HDAC4: variants seen among roughly 807,000 people sequenced by gnomAD.
The protein encoded by HDAC4 is histone deacetylase 4, also known as histone deacetylase A.
A neutral mutation model predicts 135.1 loss-of-function variants in HDAC4; 16 were observed. The observed-to-expected ratio is 0.12, with a 90% CI of 0.08 to 0.18. The LOEUF (loss-of-function observed/expected upper bound fraction) is 0.18. Ranked by LOEUF, HDAC4 falls within the 10% of genes least tolerant of loss-of-function variation. The probability of loss-of-function intolerance (pLI) is 1.00; values close to 1 mark genes in which losing one functional copy is unlikely to be tolerated. For missense variants in HDAC4, 1,143 were observed against 1,511.8 expected (o/e 0.76, Z 4.05); for synonymous variants, 685 against 653.4 (o/e 1.05, Z -0.74).
At chr2:239,200,851 T>C (rs3791585) in intron 3 of HDAC4, among the ~76,000 whole-genome samples, 21,871 of 152,006 alleles carry the variant, frequency 0.14, 1,707 homozygotes, top group African/African-American at 0.21. Flanking sequence ...CTGCAGCACA[T>C]GGCCAGGCCT....
intron 7 of HDAC4, among the ~76,000 whole-genome samples, chr2:239,153,613 G>A (rs2042246464): frequency 6.6e-6 from 1 of 152,210 alleles, no homozygotes; most frequent in Admixed American, 6.5e-5. Flanking sequence ...TGGTAGTGAT[G>A]ACTTTTTAAA....
At chr2:239,079,463 G>A (rs1226113888) in intron 22 of HDAC4, among the ~76,000 whole-genome samples, 1 of 152,150 alleles carries the variant, frequency 6.6e-6, no homozygotes, top group Non-Finnish European at 1.5e-5. Context: ...GCCTGGGGAG[G>A]GGGGCCCACG....
intron 15 of HDAC4, among the ~76,000 whole-genome samples, chr2:239,107,645 G>A (rs1206399750): frequency 6.6e-6 from 1 of 152,242 alleles, no homozygotes; most frequent in African/African-American, 2.4e-5. Context: ...GGCCTGATCT[G>A]AGATATAATC....
rs1285977453 is a variant in HDAC4, at chr2:239,240,229, G to A, written c.23-3565C>T. Among the ~76,000 whole-genome samples, 3 of 152,246 alleles carry A rather than the reference G, an allele frequency of 2.0e-5. No homozygotes were observed. Among genetic ancestry groups the A allele is most frequent in the East Asian group, 1.9e-4 (1 of 5,198 alleles). On this transcript the variant is annotated intron_variant, in intron 2 of 26. Transcript: ENST00000543185. The surrounding 1 kb of genome is among the most constrained non-coding windows in gnomAD (Gnocchi z 4.5). ...GGCCTGGGAAAGACAGCTTTGGAAC[G>A]GACCTAAACAAAGCGTGGCCAGTGG...
intron 2 of HDAC4, among the ~76,000 whole-genome samples, chr2:239,277,804 C>T (rs898045903): frequency 1.3e-5 from 2 of 152,216 alleles, no homozygotes; most frequent in African/African-American, 2.4e-5. Flanking sequence ...CGGGCCGGGA[C>T]CCAGGCCTGA....
chr2:239,398,755 T>C (rs1413350988), intron 1 of HDAC4, among the ~76,000 whole-genome samples: 3 of 152,230 alleles, frequency 2.0e-5, no homozygotes, highest in Non-Finnish European at 4.4e-5. Flanking sequence ...CGAGGCCACA[T>C]CTGTCCTTCG....
At chr2:239,104,015 C>T (rs1157057951) in intron 15 of HDAC4, among the ~76,000 whole-genome samples, 2 of 151,860 alleles carry the variant, frequency 1.3e-5, no homozygotes, top group Admixed American at 1.3e-4. Context: ...ACCGGGCTTC[C>T]TCTATGAAGG....
At chr2:239,312,301 C>T (rs2052918923) in intron 2 of HDAC4, among the ~76,000 whole-genome samples, 1 of 152,154 alleles carries the variant, frequency 6.6e-6, no homozygotes, top group South Asian at 2.1e-4. Context: ...TGCCAGGGCT[C>T]CTAGCACCTG....
chr2:239,063,525 A>T (rs1291986236), intron 24 of HDAC4, among the ~76,000 whole-genome samples: 1 of 152,126 alleles, frequency 6.6e-6, no homozygotes. Context: ...TTAAGGCAGC[A>T]CTGTCAGCTG....
intron 3 of HDAC4, among the ~76,000 whole-genome samples, chr2:239,193,961 G>A (rs912957762): frequency 6.6e-6 from 1 of 152,226 alleles, no homozygotes; most frequent in African/African-American, 2.4e-5. Flanking sequence ...AAAATTCAGT[G>A]TACTGAAATT....
At position 239,298,265 on chromosome 2, in the gene HDAC4, T is replaced by C. The variant is rs890102043; in HGVS notation, c.22+54413A>G. 11 of 1,283,326 alleles carry C rather than the reference T, an allele frequency of 8.6e-6. No homozygotes were observed. In the African/African-American group the frequency reaches 1.4e-4, roughly 16 times the overall value. The allele number at this position is 1,283,326 out of a possible 1,614,324, so 79.5% of individuals were successfully genotyped here. A position where few individuals can be genotyped will look rare whatever the true frequency, so the allele number is the denominator to read the frequency against. ...ATCAAATCCAGGCTTGACGACAGAC[T>C]GGGCTGGTGCCCTGGACAAGCGGTG... On this transcript the variant is annotated intron_variant, in intron 2 of 26. Transcript: ENST00000543185.
chr2:239,214,356 C>T (rs997699126), intron 3 of HDAC4, among the ~76,000 whole-genome samples: 29 of 152,340 alleles, frequency 1.9e-4, no homozygotes, highest in Middle Eastern at 3.4e-3. Context: ...AAAGAACCCT[C>T]GTGAAGACAA....
At chr2:239,113,862 C>T (rs1215158316) in intron 13 of HDAC4, among the ~76,000 whole-genome samples, 1 of 152,098 alleles carries the variant, frequency 6.6e-6, no homozygotes, top group Non-Finnish European at 1.5e-5. Context: ...GTTAGTTCTG[C>T]TGGGCTTTGT....
intron 1 of HDAC4, among the ~76,000 whole-genome samples, chr2:239,354,946 C>T: frequency 6.6e-6 from 1 of 152,064 alleles, no homozygotes; most frequent in Non-Finnish European, 1.5e-5. Flanking sequence ...ATATGCCCCC[C>T]TCAAAATTTT....
chr2:239,371,970 C>A (rs1424253318), intron 1 of HDAC4, among the ~76,000 whole-genome samples: 3 of 152,210 alleles, frequency 2.0e-5, no homozygotes, highest in Non-Finnish European at 4.4e-5. Context: ...CAGCAGCTGG[C>A]GGACGGGAGC....
At chr2:239,348,787 G>A (rs752047521) in intron 2 of HDAC4, among the ~76,000 whole-genome samples, 2 of 152,228 alleles carry the variant, frequency 1.3e-5, no homozygotes, top group African/African-American at 2.4e-5. Flanking sequence ...GTCAATCCAG[G>A]TTCTTCCCTC....
At chr2:239,094,247 C>T in intron 17 of HDAC4, 1 of 985,442 alleles carries the variant, frequency 1.0e-6, no homozygotes, top group Non-Finnish European at 1.2e-6. Context: ...TATTGCCACC[C>T]CTGCCCAGGC....
intron 25 of HDAC4, among the ~76,000 whole-genome samples, chr2:239,054,192 T>C (rs982818082): frequency 6.6e-6 from 1 of 152,026 alleles, no homozygotes; most frequent in African/African-American, 2.4e-5. Flanking sequence ...GTCTCAACCA[T>C]CTGGGTCATC....
chr2:239,193,108 T>C (rs1322983629), intron 3 of HDAC4, among the ~76,000 whole-genome samples: 1 of 152,150 alleles, frequency 6.6e-6, no homozygotes, highest in African/African-American at 2.4e-5. Flanking sequence ...CTCGCCTCAT[T>C]TATCCCTGTG....
Sources: gnomAD v4.1 joint callset for allele counts (sites outside exome capture counted in the v4.1 genomes callset) on GRCh38, gnomAD v4.1.1 for gene constraint, Gnocchi (gnomAD v3.1) non-coding constraint, MANE v1.5 for transcripts, NCBI Gene and HGNC (gene_info 2026-07-23, HGNC 2026-07-21) for gene names.